Variants in DIAPH2 observed in about 807,000 individuals in gnomAD.
The protein encoded by DIAPH2 is protein diaphanous homolog 2.
DIAPH2 carries 35 observed loss-of-function variants against 92.7 expected under a neutral mutation model. The observed-to-expected ratio is 0.38, with a 90% confidence interval of 0.29 to 0.50. DIAPH2 has a LOEUF of 0.50. Ranked by LOEUF, DIAPH2 falls within the 20% of genes least tolerant of loss-of-function variation. DIAPH2 has a pLI of 0.94. For missense variants in DIAPH2, 701 were observed against 819.5 expected (o/e 0.86, Z 1.77); for synonymous variants, 301 against 280.4 (o/e 1.07, Z -0.73).
rs1401405155 is a variant in DIAPH2, at chrX:97,600,272, T to G, written c.*955T>G. 3 of 112,135 alleles carry G rather than the reference T, an allele frequency of 2.7e-5. No individual in the cohort carries two copies. Among genetic ancestry groups the G allele is most frequent in the Non-Finnish European group, 3.8e-5 (2 of 53,083 alleles). The allele number at this position is 112,135 out of a possible 1,213,427, so 9.2% of individuals were successfully genotyped here. A position where few individuals can be genotyped will look rare whatever the true frequency, so the allele number is the denominator to read the frequency against. On this transcript the variant is annotated 3_prime_UTR_variant, in exon 27 of 27. Transcript: ENST00000324765. ...AGTCCCTTGAAGGCAGGGAATAGAC[T>G]TCTAGAAAACCTGAGAGGAAAAAGA...
intron 17 of DIAPH2, among the ~76,000 whole-genome samples, chrX:96,984,593 G>T (rs185260956): frequency 7.5e-4 from 83 of 111,318 alleles, no homozygotes; most frequent in African/African-American, 2.6e-3. Flanking sequence ...GATATTGCTG[G>T]TCAGGGTCCA....
At chrX:96,933,447 A>G (rs1247800920) in intron 10 of DIAPH2, among the ~76,000 whole-genome samples, 1 of 107,089 alleles carries the variant, frequency 9.3e-6, no homozygotes, top group Non-Finnish European at 1.9e-5. Flanking sequence ...CTTCCACTGC[A>G]GCCTCTCAAG....
chrX:96,887,929 C>T (rs144245665), intron 5 of DIAPH2, among the ~76,000 whole-genome samples: 1,845 of 110,279 alleles, frequency 0.017, 23 homozygotes, highest in Non-Finnish European at 0.027. Flanking sequence ...AAGTACTGTT[C>T]TAAGAGTAGG....
At chrX:97,090,498 A>G (rs1464202250) in intron 19 of DIAPH2, among the ~76,000 whole-genome samples, 2 of 108,818 alleles carry the variant, frequency 1.8e-5, no homozygotes, top group Non-Finnish European at 3.8e-5. Flanking sequence ...TCAGTTGATG[A>G]TTCTCTTTGT....
intron 26 of DIAPH2, among the ~76,000 whole-genome samples, chrX:97,573,157 T>A (rs2071380211): frequency 9.0e-6 from 1 of 111,223 alleles, no homozygotes; most frequent in African/African-American, 3.3e-5. Context: ...ATTGAAGCAG[T>A]CAAGCTCTAA....
chrX:97,044,976 A>G (rs1184410923), intron 17 of DIAPH2, among the ~76,000 whole-genome samples: 1 of 111,344 alleles, frequency 9.0e-6, no homozygotes, highest in Non-Finnish European at 1.9e-5. Flanking sequence ...GCAGCATTTT[A>G]TATATTTGAC....
intron 15 of DIAPH2, among the ~76,000 whole-genome samples, chrX:96,951,904 G>A (rs1005581328): frequency 4.5e-5 from 5 of 111,339 alleles, no homozygotes; most frequent in Non-Finnish European, 9.4e-5. Flanking sequence ...CAAAATAAAT[G>A]TGATCTAATA....
chrX:96,838,221 C>T (rs180955403), intron 4 of DIAPH2, among the ~76,000 whole-genome samples: 83 of 111,541 alleles, frequency 7.4e-4, no homozygotes, highest in African/African-American at 2.4e-3. Flanking sequence ...AGCAATGAGA[C>T]GTGTTTTATT....
chrX:97,060,414 ATT>A (rs555107048), intron 17 of DIAPH2, among the ~76,000 whole-genome samples: 1 of 105,315 alleles, frequency 9.5e-6, no homozygotes. Flanking sequence ...AGGATTTCTG[ATT>A]TTTTTTTTTT....
chrX:97,550,984 C>G (rs1051051718), intron 26 of DIAPH2, among the ~76,000 whole-genome samples: 1 of 110,462 alleles, frequency 9.1e-6, no homozygotes, highest in Non-Finnish European at 1.9e-5. Context: ...TTTTTAATTT[C>G]CTCTAAGAAA....
chrX:97,316,894 A>G (rs1228686409), intron 23 of DIAPH2, among the ~76,000 whole-genome samples: 4 of 111,959 alleles, frequency 3.6e-5, no homozygotes, highest in Non-Finnish European at 7.5e-5. Flanking sequence ...GTGGGGGTCC[A>G]TGCCACATGA....
At chrX:96,787,359 G>T (rs2064464658) in intron 4 of DIAPH2, among the ~76,000 whole-genome samples, 1 of 110,845 alleles carries the variant, frequency 9.0e-6, no homozygotes, top group Middle Eastern at 4.2e-3. Context: ...GATAGGAGAA[G>T]ATTGTAATAT....
At chrX:96,921,090 C>T (rs151194073) in intron 9 of DIAPH2, among the ~76,000 whole-genome samples, 2,343 of 111,302 alleles carry the variant, frequency 0.021, 18 homozygotes, top group Non-Finnish European at 0.035. Flanking sequence ...CTGTAGTATC[C>T]TGAGACTTCC....
intron 8 of DIAPH2, among the ~76,000 whole-genome samples, chrX:96,918,239 G>A (rs1263252649): frequency 9.0e-6 from 1 of 111,214 alleles, no homozygotes; most frequent in Non-Finnish European, 1.9e-5. Context: ...TCCTAAGAGT[G>A]TATGTAGACT....
intron 22 of DIAPH2, among the ~76,000 whole-genome samples, chrX:97,239,994 T>C (rs2068080570): frequency 9.0e-6 from 1 of 111,062 alleles, no homozygotes; most frequent in Non-Finnish European, 1.9e-5. Context: ...TGCCAACTCT[T>C]AAGATTGAGG....
intron 23 of DIAPH2, among the ~76,000 whole-genome samples, chrX:97,293,559 C>T (rs1471244826): frequency 9.0e-6 from 1 of 111,203 alleles, no homozygotes; most frequent in African/African-American, 3.3e-5. Context: ...TCTTTGTTGA[C>T]ATTTCTTTAT....
At chrX:97,347,832 G>C (rs180979706) in intron 23 of DIAPH2, among the ~76,000 whole-genome samples, 2 of 111,087 alleles carry the variant, frequency 1.8e-5, no homozygotes, top group African/African-American at 3.3e-5. Context: ...GAAGCGATTA[G>C]GATACAGACA....
At chrX:96,935,658 C>T (rs765325757) in intron 10 of DIAPH2, among the ~76,000 whole-genome samples, 2 of 111,280 alleles carry the variant, frequency 1.8e-5, no homozygotes, top group East Asian at 5.6e-4. Context: ...GCTATATGTG[C>T]TCATATACTA....
intron 24 of DIAPH2, among the ~76,000 whole-genome samples, chrX:97,352,579 C>A (rs2069225936): frequency 9.1e-6 from 1 of 109,820 alleles, no homozygotes. Flanking sequence ...GTTTAAAGAA[C>A]AGCATACAGG....
Sources: allele counts gnomAD v4.1 joint callset (sites outside exome capture counted in the v4.1 genomes callset), GRCh38; gene constraint gnomAD v4.1.1; transcripts MANE v1.5; gene names NCBI Gene and HGNC (gene_info 2026-07-23, HGNC 2026-07-21).